Variants in SFTPD observed in about 807,000 individuals in gnomAD.
SFTPD encodes surfactant protein D.
SFTPD carries 18 observed loss-of-function variants against 34.6 expected under a neutral mutation model. The observed-to-expected ratio is 0.52, with a 90% CI of 0.36 to 0.77. The LOEUF (loss-of-function observed/expected upper bound fraction) is 0.77, where lower values mean the gene tolerates loss of function less well. Ranked by LOEUF, SFTPD falls within the 30% of genes least tolerant of loss-of-function variation. The pLI, the probability that SFTPD is intolerant of heterozygous loss-of-function variation, is 0.00. For synonymous variants in SFTPD, 155 were observed against 180.9 expected (o/e 0.86, Z 1.15); for missense variants, 433 against 468.9 (o/e 0.92, Z 0.71).
At chr10:79,980,119 G>T (rs1399893854) in intron 1 of SFTPD, among the ~76,000 whole-genome samples, 1 of 152,152 alleles carries the variant, frequency 6.6e-6, no homozygotes, top group East Asian at 1.9e-4. Flanking sequence ...AACATCAGTG[G>T]TAACCAGGCA....
chr10:79,971,568 T>G (rs191072495), intron 1 of SFTPD: 1 of 152,198 alleles, frequency 6.6e-6, no homozygotes, highest in African/African-American at 2.4e-5. Flanking sequence ...TTCTACTACT[T>G]CTTGGTTCAA....
chr10:79,939,519 A>T (rs1045464698), intron 7 of SFTPD, among the ~76,000 whole-genome samples: 1 of 152,180 alleles, frequency 6.6e-6, no homozygotes, highest in Non-Finnish European at 1.5e-5. Context: ...GTGTGTGCAT[A>T]TTTGTGTGTG....
chr10:79,962,362 A>C (rs545725133), intron 1 of SFTPD, among the ~76,000 whole-genome samples: 1 of 152,076 alleles, frequency 6.6e-6, no homozygotes, highest in African/African-American at 2.4e-5. Flanking sequence ...TTTGGTGATC[A>C]TGTCTTTATT....
chr10:79,967,932 C>G (rs1469808864), intron 1 of SFTPD, among the ~76,000 whole-genome samples: 3 of 151,538 alleles, frequency 2.0e-5, no homozygotes, highest in African/African-American at 7.3e-5. Flanking sequence ...CTACCCAAAT[C>G]CTATAAAACA....
chr10:79,974,154 AT>A (rs1432606007), intron 1 of SFTPD, among the ~76,000 whole-genome samples: 1 of 151,794 alleles, frequency 6.6e-6, no homozygotes, highest in African/African-American at 2.4e-5. Context: ...ACCCCCAGAT[AT>A]TTTTTATTTT....
chr10:79,960,366 C>G (rs1284279056), intron 1 of SFTPD, among the ~76,000 whole-genome samples: 1 of 151,568 alleles, frequency 6.6e-6, no homozygotes, highest in Non-Finnish European at 1.5e-5. Context: ...TCCCTGTTTG[C>G]AGATGGCATG....
At chr10:79,955,453 C>CA (rs1369895367) in intron 1 of SFTPD, among the ~76,000 whole-genome samples, 3 of 151,336 alleles carry the variant, frequency 2.0e-5, no homozygotes, top group South Asian at 4.2e-4. Context: ...CAAAACAAAA[C>CA]AAACAAACAA....
In SFTPD at chr10:79,945,063, G is replaced by A. The variant is rs76748803; in HGVS notation, c.199+1398C>T. ...ACTGCGATTGAGAAGCCAGAGTGGA[G>A]CCTCATCCTGTAGCCCCACCGTGTT... On this transcript the variant is annotated intron_variant, in intron 2 of 7. Transcript: ENST00000372292. Among the ~76,000 whole-genome samples the A allele has an allele frequency of 5.6e-3, 849 of 152,174 alleles. 10 individuals carry two copies. The highest frequency in any genetic ancestry group is 0.02 in the African/African-American group (811 of 41,514).
chr10:79,944,698 C>G (rs1186811076), intron 2 of SFTPD, among the ~76,000 whole-genome samples: 1 of 152,026 alleles, frequency 6.6e-6, no homozygotes, highest in Non-Finnish European at 1.5e-5. Flanking sequence ...GGGACTCCCC[C>G]ACGGAATATT....
chr10:79,982,239 C>T, intron 1 of SFTPD: 1 of 822,482 alleles, frequency 1.2e-6, no homozygotes, highest in Non-Finnish European at 1.6e-6. Context: ...AACGGAGGAG[C>T]CAATGGGACC....
chr10:79,940,857 C>T (rs1842604173), intron 6 of SFTPD, 69 bp from the exon 7 acceptor site: 6 of 1,047,592 alleles, frequency 5.7e-6, no homozygotes, highest in Non-Finnish European at 8.9e-6. Context: ...AGTCTGGGCC[C>T]CAAAGGAAGG....
At chr10:79,974,175 ATTT>A (rs572935821) in intron 1 of SFTPD, among the ~76,000 whole-genome samples, 1 of 151,486 alleles carries the variant, frequency 6.6e-6, no homozygotes, top group Non-Finnish European at 1.5e-5. Context: ...TTATTTATTT[ATTT>A]TTTTTCTGAG....
rs1046676629 is a variant in SFTPD, at chr10:79,940,794, G to A, written c.668-6C>T. ...CTGCCTCAGAGAAGCAACATCTGGA[G>A]GGGAGAAAATGGCCAAGTAAAGACT... On this transcript the variant is annotated splice_region_variant and splice_polypyrimidine_tract_variant and intron_variant, in intron 6 of 7. Transcript: ENST00000372292. The A allele has an allele frequency of 4.4e-6, 7 of 1,603,500 alleles. No individual in the cohort carries two copies. Among genetic ancestry groups the A allele is most frequent in the Non-Finnish European group, 5.1e-6 (6 of 1,170,556 alleles).
At position 79,946,602 on chromosome 10, in the gene SFTPD, C is replaced by G; in HGVS notation, c.58G>C (p.Glu20Gln). ...VLLTQPLGYL[E>Q]AEMKTYSHRT... ...TGGGAGTAGGTCTTCATTTCTGCTTCCAGGTAGCCCAGGGGCTGTGTGAGC... is the reference window on the plus strand; with the variant it reads ...TGGGAGTAGGTCTTCATTTCTGCTTGCAGGTAGCCCAGGGGCTGTGTGAGC... The change falls in exon 2 of 8, where the codon GAA becomes CAA. Residue 20 changes from glutamate (E) to glutamine (Q), a missense_variant. By Grantham distance (29) the Glu-to-Gln change is conservative. Coordinates refer to ENST00000372292, the MANE Select transcript of SFTPD (RefSeq NM_003019.5). The G allele has an allele frequency of 6.2e-7, 1 of 1,614,178 alleles. No individual in the cohort carries two copies. The highest frequency in any genetic ancestry group is 8.5e-7 in the Non-Finnish European group (1 of 1,180,010).
chr10:79,938,942 G>A (rs1842585119), intron 7 of SFTPD, among the ~76,000 whole-genome samples: 2 of 152,222 alleles, frequency 1.3e-5, no homozygotes. Context: ...TGAGGCGCAG[G>A]GGAGTGGTGT....
intron 1 of SFTPD, among the ~76,000 whole-genome samples, chr10:79,962,769 CTTTTT>C (rs1009949332): frequency 6.6e-6 from 1 of 152,018 alleles, no homozygotes; most frequent in Non-Finnish European, 1.5e-5. Flanking sequence ...TTAAATTTTT[CTTTTT>C]AACAATACGT....
intron 1 of SFTPD, chr10:79,970,401 C>T (rs1207619917): frequency 3.9e-5 from 6 of 152,096 alleles, no homozygotes; most frequent in African/African-American, 1.4e-4. Context: ...TTTTCTACTT[C>T]TGTGAAGAAT....
intron 1 of SFTPD, among the ~76,000 whole-genome samples, chr10:79,974,129 T>A (rs1842851062): frequency 6.6e-6 from 1 of 152,148 alleles, no homozygotes; most frequent in Non-Finnish European, 1.5e-5. Context: ...CGTTAGTTGT[T>A]TTATTCTCAA....
intron 1 of SFTPD, among the ~76,000 whole-genome samples, chr10:79,959,439 G>A (rs1167490215): frequency 6.6e-5 from 10 of 151,984 alleles, no homozygotes; most frequent in Admixed American, 5.9e-4. Context: ...TCAAATAGAC[G>A]CAATAAAAAA....
Sources: gnomAD v4.1 joint callset for allele counts (sites outside exome capture counted in the v4.1 genomes callset) on GRCh38, gnomAD v4.1.1 for gene constraint, MANE v1.5 for transcripts, NCBI Gene and HGNC (gene_info 2026-07-23, HGNC 2026-07-21) for gene names.